The following ARB2A variants were observed in gnomAD, a reference collection of about 807,000 sequenced individuals.
ARB2A encodes ARB2 cotranscriptional regulator A.
At chr5:94,092,704 T>C in the ARB2A span, among the ~76,000 whole-genome samples, 1 of 152,214 alleles carries the variant, frequency 6.6e-6, no homozygotes, top group Non-Finnish European at 1.5e-5. Context: ...ACTAAAAAGA[T>C]GTCTACCAAA....
the ARB2A span, among the ~76,000 whole-genome samples, chr5:93,651,661 A>G: frequency 6.6e-6 from 1 of 152,226 alleles, no homozygotes; most frequent in African/African-American, 2.4e-5. Flanking sequence ...GTATAAAAAT[A>G]AAGAGTATGT....
the ARB2A span, among the ~76,000 whole-genome samples, chr5:93,685,612 G>A: frequency 2.0e-4 from 31 of 152,146 alleles, no homozygotes; most frequent in African/African-American, 7.2e-4. Flanking sequence ...AATCTTAGCT[G>A]TTAGTTTGTT....
At chr5:94,039,493 T>C in the ARB2A span, among the ~76,000 whole-genome samples, 1 of 152,202 alleles carries the variant, frequency 6.6e-6, no homozygotes, top group Non-Finnish European at 1.5e-5. Context: ...GAAGTTACCC[T>C]ATATGGTCTA....
the ARB2A span, among the ~76,000 whole-genome samples, chr5:93,762,754 T>G: frequency 6.6e-6 from 1 of 152,160 alleles, no homozygotes; most frequent in Non-Finnish European, 1.5e-5. Flanking sequence ...AATTGTCAGA[T>G]TCACCAAAGT....
the ARB2A span, among the ~76,000 whole-genome samples, chr5:93,686,646 T>G: frequency 2.0e-5 from 3 of 152,322 alleles, no homozygotes; most frequent in African/African-American, 7.2e-5. Context: ...TGTGTTTTCC[T>G]AATCTGCTAG....
At chr5:93,979,659 A>C in the ARB2A span, among the ~76,000 whole-genome samples, 1 of 152,066 alleles carries the variant, frequency 6.6e-6, no homozygotes, top group Admixed American at 6.5e-5. Context: ...ATATCACATT[A>C]AAATTTTGTT....
the ARB2A span, among the ~76,000 whole-genome samples, chr5:94,015,219 G>T: frequency 6.6e-6 from 1 of 152,048 alleles, no homozygotes; most frequent in African/African-American, 2.4e-5. Context: ...AAACCATATA[G>T]GCCAGAAGGG....
At chr5:94,105,548 C>G in the ARB2A span, among the ~76,000 whole-genome samples, 6 of 151,996 alleles carry the variant, frequency 3.9e-5, no homozygotes, top group African/African-American at 1.4e-4. Context: ...TTTAAATGGC[C>G]ATGCTGCTCA....
chr5:93,971,163 T>C, the ARB2A span, among the ~76,000 whole-genome samples: 1 of 152,018 alleles, frequency 6.6e-6, no homozygotes, highest in African/African-American at 2.4e-5. Context: ...CACGCTCAGC[T>C]AATCTTTTGT....
chr5:93,970,962 A>G, the ARB2A span, among the ~76,000 whole-genome samples: 8 of 152,102 alleles, frequency 5.3e-5, no homozygotes, highest in African/African-American at 1.9e-4. Context: ...AGCTCTTACT[A>G]TATTGAAAGT....
the ARB2A span, among the ~76,000 whole-genome samples, chr5:93,648,764 T>C: frequency 6.6e-6 from 1 of 152,216 alleles, no homozygotes; most frequent in Admixed American, 6.5e-5. Flanking sequence ...CTGGCTACCC[T>C]ATCAATATGC....
At chr5:93,985,251 T>C in the ARB2A span, among the ~76,000 whole-genome samples, 1 of 152,228 alleles carries the variant, frequency 6.6e-6, no homozygotes, top group African/African-American at 2.4e-5. Flanking sequence ...GTCTTCATTC[T>C]TTTTTACTAG....
the ARB2A span, among the ~76,000 whole-genome samples, chr5:93,829,229 C>T: frequency 6.6e-6 from 1 of 152,154 alleles, no homozygotes; most frequent in African/African-American, 2.4e-5. Context: ...CATCCCTTTT[C>T]CCCCTGAGAA....
chr5:93,818,998 T>G, the ARB2A span, among the ~76,000 whole-genome samples: 752 of 151,632 alleles, frequency 5.0e-3, 11 homozygotes, highest in African/African-American at 0.017. Context: ...CCATCCTGGC[T>G]AACACGGTGA....
chr5:93,839,720 T>C, the ARB2A span, among the ~76,000 whole-genome samples: 337 of 152,192 alleles, frequency 2.2e-3, 5 homozygotes, highest in African/African-American at 7.7e-3. Flanking sequence ...ATTGGTCTGT[T>C]CGAGGATTCA....
At chr5:94,089,931 T>C in the ARB2A span, among the ~76,000 whole-genome samples, 1 of 152,212 alleles carries the variant, frequency 6.6e-6, no homozygotes, top group Non-Finnish European at 1.5e-5. Flanking sequence ...ATCATTATTT[T>C]GGAGCTGACT....
At chr5:93,981,674 T>C in the ARB2A span, among the ~76,000 whole-genome samples, 5 of 152,080 alleles carry the variant, frequency 3.3e-5, no homozygotes, top group Admixed American at 3.3e-4. Flanking sequence ...AAATATTTAA[T>C]ATACATGGTA....
the ARB2A span, among the ~76,000 whole-genome samples, chr5:93,997,644 G>A: frequency 6.6e-6 from 1 of 151,952 alleles, no homozygotes; most frequent in South Asian, 2.1e-4. Context: ...TTATGGCTGT[G>A]TAAGGAGTTC....
chr5:93,799,907 C>T, the ARB2A span, among the ~76,000 whole-genome samples: 2 of 151,858 alleles, frequency 1.3e-5, no homozygotes, highest in African/African-American at 2.4e-5. Context: ...CAGCATTTCC[C>T]CCGAACTGTA....
Sources: allele counts gnomAD v4.1 joint callset (sites outside exome capture counted in the v4.1 genomes callset), GRCh38; gene constraint gnomAD v4.1.1; transcripts MANE v1.5; gene names NCBI Gene and HGNC (gene_info 2026-07-23, HGNC 2026-07-21).